GREB1: variants seen among roughly 807,000 people sequenced by gnomAD.
The protein encoded by GREB1 is protein GREB1.
In GREB1, 106 loss-of-function variants were observed where a neutral mutation model predicts 200.7. The ratio of observed to expected loss-of-function variants is 0.53; its 90% CI spans 0.45 to 0.62. The LOEUF (loss-of-function observed/expected upper bound fraction) is 0.62. Ranked by LOEUF, GREB1 falls within the 20% of genes least tolerant of loss-of-function variation. GREB1 has a pLI of 0.00. For missense variants in GREB1, 2,243 were observed against 2,556.8 expected (o/e 0.88, Z 2.65); for synonymous variants, 1,132 against 1,092.4 (o/e 1.04, Z -0.72).
intron 23 of GREB1, among the ~76,000 whole-genome samples, chr2:11,621,816 C>T (rs956022846): frequency 2.0e-5 from 3 of 152,230 alleles, no homozygotes; most frequent in Non-Finnish European, 4.4e-5. Flanking sequence ...AGCCCTCGGC[C>T]TTCCCTCCCA....
At chr2:11,512,046 T>C (rs886907587) in intron 1 of GREB1, among the ~76,000 whole-genome samples, 1 of 152,180 alleles carries the variant, frequency 6.6e-6, no homozygotes, top group Non-Finnish European at 1.5e-5. Flanking sequence ...CGAGTGGAAT[T>C]CCCAAGGCAC....
rs1558645242 is a variant in GREB1, at chr2:11,618,459, G to A, written c.3584G>A (p.Gly1195Glu). 1.2e-6 allele frequency: 2 copies of A among 1,605,728 alleles called. No homozygotes were observed. The highest frequency in any genetic ancestry group is 1.7e-6 in the Non-Finnish European group (2 of 1,176,990). Residue 1195 changes from glycine to glutamate, a missense_variant, in exon 22 of 33, where the codon GGG (glycine) becomes GAG (glutamate). Physicochemically the swap from Gly to Glu is moderately conservative, Grantham distance 98. Transcript: ENST00000381486. The part of the protein sequence containing the change: ...PPSAISRHSP[G>E]PTPQPDCSLR... ...TCGGCCATCAGCAGGCACAGTCCCG[G>A]GCCGACGCCCCAGCCCGACTGTAGC...
At chr2:11,603,144 G>A (rs948523880) in intron 17 of GREB1, among the ~76,000 whole-genome samples, 5 of 152,170 alleles carry the variant, frequency 3.3e-5, no homozygotes, top group South Asian at 2.1e-4. Flanking sequence ...TAACCCTGTC[G>A]CAACAGACCT....
chr2:11,511,753 G>A (rs540164903), intron 1 of GREB1, among the ~76,000 whole-genome samples: 1 of 152,288 alleles, frequency 6.6e-6, no homozygotes, highest in South Asian at 2.1e-4. Flanking sequence ...ATAGCCCAAA[G>A]CAAACACTCA....
intron 1 of GREB1, among the ~76,000 whole-genome samples, chr2:11,551,508 A>G (rs1306145854): frequency 1.3e-5 from 2 of 152,184 alleles, no homozygotes; most frequent in Non-Finnish European, 2.9e-5. Flanking sequence ...TGTCGCCTAT[A>G]CAATGTCTGA....
chr2:11,568,056 T>C (rs1231283835), intron 4 of GREB1, among the ~76,000 whole-genome samples: 1 of 152,222 alleles, frequency 6.6e-6, no homozygotes, highest in African/African-American at 2.4e-5. Context: ...CCACTTCAGA[T>C]GTAGCCTCAG....
intron 1 of GREB1, among the ~76,000 whole-genome samples, chr2:11,490,023 TTA>T (rs1324098211): frequency 6.7e-5 from 10 of 149,822 alleles, no homozygotes; most frequent in African/African-American, 9.8e-5. Context: ...TATATTACAA[TTA>T]TATATGTTAT....
Position 11,629,912 on chromosome 2 carries a change from C to CT in GREB1, c.4450-35dup. ...GGTCTTCTGGGAAGCAGGCCGGACTCTGACGGCAAGCTCTGTCCTTTCCCC... is the reference window on the plus strand; with the variant it reads ...GGTCTTCTGGGAAGCAGGCCGGACTCTTGACGGCAAGCTCTGTCCTTTCCCC... On this transcript the variant is annotated intron_variant, in intron 25 of 32. Transcript: ENST00000381486. The surrounding 1 kb of genome is among the most constrained non-coding windows in gnomAD (Gnocchi z 5.2). 2 of 1,606,444 alleles carry CT rather than the reference C, an allele frequency of 1.2e-6. No homozygotes were observed. Among genetic ancestry groups the CT allele is most frequent in the East Asian group, 2.2e-5 (1 of 44,730 alleles).
rs1429306061 is a variant in GREB1, at chr2:11,626,991, C to T, written c.4336C>T (p.Leu1446Phe). The change falls in exon 25 of 33, where the codon CTT (leucine) becomes TTT (phenylalanine). Residue 1446 changes from leucine to phenylalanine, a missense_variant. Coordinates refer to ENST00000381486, the MANE Select transcript of GREB1 (RefSeq NM_014668.4). ...DRGMSRKPEDLYVRRQTARMR... is the reference protein window; with the variant it reads ...DRGMSRKPEDFYVRRQTARMR... ...AGGGATGTCCCGGAAGCCGGAGGAC[C>T]TTTATGTGCGGCGTCAGACGGCACG... 23 of 1,614,030 alleles carry T rather than the reference C, an allele frequency of 1.4e-5. No homozygotes were observed. Among genetic ancestry groups the T allele is most frequent in the Non-Finnish European group, 1.8e-5 (21 of 1,179,996 alleles).
Position 11,610,669 on chromosome 2 carries a change from C to T in GREB1, c.2667-19C>T, listed in dbSNP as rs763002914. On this transcript the variant is annotated intron_variant, in intron 17 of 32. Transcript: ENST00000381486. ...TGGGCGCGGCCGTCACAGACATGGT[C>T]TCTCTGTGTTCCTTGCAGGTTCCCC... 15 of 1,568,536 alleles carry T rather than the reference C, an allele frequency of 9.6e-6. No individual in the cohort carries two copies. The highest frequency in any genetic ancestry group is 1.7e-5 in the Admixed American group (1 of 58,092).
chr2:11,625,654 C>A (rs1684384470), intron 24 of GREB1, among the ~76,000 whole-genome samples: 1 of 152,172 alleles, frequency 6.6e-6, no homozygotes, highest in African/African-American at 2.4e-5. Flanking sequence ...TTCACCTCTC[C>A]TCCCCCGGTG....
At chr2:11,596,386 A>C in intron 13 of GREB1, 147 bp downstream of exon 13, 4 of 168,654 alleles carry the variant, frequency 2.4e-5, no homozygotes, top group East Asian at 1.5e-4. Context: ...GTGTATAGTG[A>C]GGGGGGACGG....
chr2:11,509,540 A>T (rs1380027886), intron 1 of GREB1, among the ~76,000 whole-genome samples: 2 of 152,158 alleles, frequency 1.3e-5, no homozygotes, highest in Non-Finnish European at 2.9e-5. Flanking sequence ...ATTCCTTATT[A>T]TACCAATTAT....
rs563389710 is a variant in GREB1, at chr2:11,578,790, T to C, written c.772+359T>C. Among the ~76,000 whole-genome samples, 13 of 152,210 alleles carry C rather than the reference T, an allele frequency of 8.5e-5. 1 individual carries two copies. The South Asian group carries it at 2.1e-3, about 24-fold the overall frequency. The stretch of plus-strand genomic sequence containing the variant: ...GCTAGAAGGGGTGGAAAAGACCAGA[T>C]TGCTGCCATTCACCCCGTGCTCAGC... On this transcript the variant is annotated intron_variant, in intron 6 of 32. Coordinates refer to ENST00000381486, the MANE Select transcript of GREB1 (RefSeq NM_014668.4).
In GREB1 at chr2:11,594,993, CT is replaced by C. The variant is rs371356681; in HGVS notation, c.1697-243del. ...GCAGGTGTGAGCCACTGTGCCTGGC[CT>C]TTTTTTTTTTTTTTAAATAAATTAT... On this transcript the variant is annotated intron_variant, in intron 11 of 32. Coordinates refer to ENST00000381486, the MANE Select transcript of GREB1 (RefSeq NM_014668.4). Among the ~76,000 whole-genome samples, 658 of 143,220 alleles carry C rather than the reference CT, an allele frequency of 4.6e-3. 7 individuals are homozygous for C. The highest frequency in any genetic ancestry group is 0.013 in the African/African-American group (509 of 38,628). 94.0% of individuals were successfully genotyped at this position (143,220 alleles called of 152,430 possible). A position where few individuals can be genotyped will look rare whatever the true frequency, so the allele number is the denominator to read the frequency against.
chr2:11,605,031 T>G (rs1236320592), intron 17 of GREB1, among the ~76,000 whole-genome samples: 1 of 151,814 alleles, frequency 6.6e-6, no homozygotes, highest in African/African-American at 2.4e-5. Context: ...TTTCCTTTAG[T>G]ACCTACCACA....
chr2:11,578,410 C>T lies in GREB1; in HGVS notation c.751C>T (p.Leu251=). Residue 251 remains leucine (L), a synonymous_variant, in exon 6 of 33, where the codon CTG becomes TTG. Transcript: ENST00000381486. ...EPVPGTNPSI[L]MGAQQAGPAS... The stretch of plus-strand genomic sequence containing the variant: ...CGTTCCTGGGACGAACCCCAGCATC[C>T]TGATGGGAGCTCAGCAGGCAGGTGA... 1 of 1,613,964 alleles carries T rather than the reference C, an allele frequency of 6.2e-7. No individual in the cohort carries two copies. The highest frequency in any genetic ancestry group is 8.5e-7 in the Non-Finnish European group (1 of 1,180,036).
chr2:11,586,050 G>A, intron 9 of GREB1, 145 bp downstream of exon 9: 2 of 770,848 alleles, frequency 2.6e-6, no homozygotes, highest in Non-Finnish European at 4.3e-6. Flanking sequence ...GGCAAGGAAA[G>A]AACAAGGCAG....
chr2:11,512,424 T>C (rs1479041791), intron 1 of GREB1, among the ~76,000 whole-genome samples: 1 of 152,256 alleles, frequency 6.6e-6, no homozygotes, highest in Non-Finnish European at 1.5e-5. Flanking sequence ...GTGCTTACTA[T>C]GTGCTATGCC....
Sources: gnomAD v4.1 joint callset for allele counts (sites outside exome capture counted in the v4.1 genomes callset) on GRCh38, gnomAD v4.1.1 for gene constraint, Gnocchi (gnomAD v3.1) non-coding constraint, MANE v1.5 for transcripts, NCBI Gene and HGNC (gene_info 2026-07-23, HGNC 2026-07-21) for gene names.